NASP: variants seen among roughly 807,000 people sequenced by gnomAD.
The protein encoded by NASP is nuclear autoantigenic sperm protein, also known as NASP histone chaperone.
NASP carries 24 observed loss-of-function variants against 89.5 expected under a neutral mutation model. The observed-to-expected ratio is 0.27, with a 90% CI of 0.19 to 0.38. The LOEUF is 0.38. NASP is among the 10% of genes least tolerant of loss of function. The pLI is 1.00. For missense variants in NASP, 848 were observed against 921.4 expected, an observed-to-expected ratio of 0.92 and a Z score of 1.03; for synonymous variants, 306 against 324.7, an observed-to-expected ratio of 0.94 and a Z score of 0.62.
intron 6 of NASP, 108 bp from the exon 7 acceptor site, chr1:45,613,061 A>G: frequency 7.1e-7 from 1 of 1,416,748 alleles, no homozygotes; most frequent in South Asian, 1.5e-5. Context: ...TTGGATTAGC[A>G]TCTGGCCTGT....
chr1:45,611,456 C>CTTTTTTTT (rs71056317), intron 6 of NASP: 1 of 67,610 alleles, frequency 1.5e-5, no homozygotes, highest in African/African-American at 5.8e-5. Flanking sequence ...ATCGCCATTA[C>CTTTTTTTT]TTTTTTTTTT....
At chr1:45,588,323 C>T (rs755154510) in intron 1 of NASP, among the ~76,000 whole-genome samples, 3 of 152,090 alleles carry the variant, frequency 2.0e-5, no homozygotes, top group Admixed American at 6.5e-5. Context: ...AGGCTGGTCT[C>T]GAACTCCTGA....
At position 45,615,431 on chromosome 1, in the gene NASP, G is replaced by A. The variant is rs147979968; in HGVS notation, c.1982G>A (p.Arg661His). 5.0e-5 allele frequency: 80 copies of A among 1,613,954 alleles called. No homozygotes were observed. Among genetic ancestry groups the A allele is most frequent in the African/African-American group, 3.6e-4 (27 of 74,912 alleles). ...EKIEDAKESQ[R>H]SGNVAELALK... ...ATAGAAGATGCAAAGGAGTCTCAGCGTAGTGGGAATGTAGCTGAACTGGCT... is the reference window on the plus strand; with the variant it reads ...ATAGAAGATGCAAAGGAGTCTCAGCATAGTGGGAATGTAGCTGAACTGGCT... The change falls in exon 11 of 15, where the codon CGT becomes CAT. Residue 661 changes from arginine (R) to histidine (H), a missense_variant. Transcript: ENST00000350030.
rs1570934482 is a variant in NASP, at chr1:45,584,162, A to C, written c.16A>C (p.Thr6Pro). The change falls in exon 1 of 15, where the codon ACA becomes CCA. Residue 6 changes from threonine to proline, a missense_variant. Thr to Pro is a conservative substitution (Grantham distance 38). Coordinates refer to ENST00000350030, the MANE Select transcript of NASP (RefSeq NM_002482.4). MAMES[T>P]ATAAVAAELV... ...CAGGGGAACGATGGCCATGGAGTCC[A>C]CAGCCACTGCCGCCGTCGCCGCGGA... is the stretch of plus-strand genomic sequence containing the variant. The C allele has an allele frequency of 1.9e-6, 3 of 1,596,540 alleles. No individual in the cohort carries two copies. Among genetic ancestry groups the C allele is most frequent in the Non-Finnish European group, 2.6e-6 (3 of 1,171,938 alleles).
intron 11 of NASP, 63 bp downstream of exon 11, chr1:45,615,534 G>A (rs1403288529): frequency 4.0e-6 from 6 of 1,494,342 alleles, no homozygotes; most frequent in Non-Finnish European, 5.4e-6. Context: ...TGTTCTATTT[G>A]CCAGGAACTT....
intron 1 of NASP, among the ~76,000 whole-genome samples, chr1:45,585,103 A>G (rs1644512217): frequency 1.3e-5 from 2 of 152,204 alleles, no homozygotes; most frequent in Admixed American, 6.5e-5. Flanking sequence ...GAAACAAGAT[A>G]GGATTGTTTT....
intron 6 of NASP, 28 bp downstream of exon 6, chr1:45,608,365 G>T: frequency 6.4e-7 from 1 of 1,573,808 alleles, no homozygotes; most frequent in South Asian, 1.2e-5. Flanking sequence ...GAGCTGCAGT[G>T]GGTGGAGTAC....
At chr1:45,593,312 C>G (rs538975858) in intron 2 of NASP, among the ~76,000 whole-genome samples, 21 of 152,172 alleles carry the variant, frequency 1.4e-4, no homozygotes, top group African/African-American at 4.8e-4. Flanking sequence ...GTGGGCTGAT[C>G]ACTTGAGGTC....
At chr1:45,591,083 TGTAA>T (rs1382251945) in intron 1 of NASP, 136 bp from the exon 2 acceptor site, 11 of 532,340 alleles carry the variant, frequency 2.1e-5, no homozygotes, top group Admixed American at 2.0e-4. Context: ...AATTTGATAA[TGTAA>T]GTAAGTAAAT....
At chr1:45,593,156 T>G (rs1452063386) in intron 2 of NASP, among the ~76,000 whole-genome samples, 1 of 152,214 alleles carries the variant, frequency 6.6e-6, no homozygotes, top group East Asian at 1.9e-4. Flanking sequence ...GATGTTAACA[T>G]CATTCTCAAA....
intron 1 of NASP, among the ~76,000 whole-genome samples, chr1:45,590,473 C>T (rs376280174): frequency 2.0e-4 from 30 of 148,250 alleles, no homozygotes; most frequent in African/African-American, 7.0e-4. Context: ...GGCGTGAACC[C>T]GGGAGGCGGA....
chr1:45,617,684 G>C (rs1022831186), intron 14 of NASP, 93 bp downstream of exon 14: 2 of 1,408,186 alleles, frequency 1.4e-6, no homozygotes, highest in Non-Finnish European at 1.9e-6. Flanking sequence ...TCCCCACCTT[G>C]AGCCTGCTAA....
intron 1 of NASP, chr1:45,588,731 G>GATCGAGACC (rs1185286990): frequency 1.4e-5 from 5 of 362,194 alleles, no homozygotes; most frequent in Non-Finnish European, 2.7e-5. Flanking sequence ...GAGGTCAGGA[G>GATCGAGACC]ATCGAGACCA....
intron 12 of NASP, 108 bp from the exon 13 acceptor site, chr1:45,616,518 T>G (rs966464928): frequency 1.3e-6 from 2 of 1,493,686 alleles, no homozygotes; most frequent in Non-Finnish European, 9.3e-7. Flanking sequence ...CAACACTAGC[T>G]TGGGCAACAT....
Position 45,607,777 on chromosome 1 carries a change from A to C in NASP, c.866A>C (p.Gln289Pro). The change falls in exon 6 of 15, where the codon CAG becomes CCG. Residue 289 changes from glutamine (Q) to proline (P), a missense_variant. Around this residue, in one of 5 missense-constraint regions of NASP, gnomAD observed 464 missense variants for 469.4 expected, o/e 0.99. Coordinates refer to ENST00000350030, the MANE Select transcript of NASP (RefSeq NM_002482.4). ...EEQPVVTLEK[Q>P]GTAVEVEAES... ...CAGCCTGTGGTGACTCTAGAAAAGC[A>C]GGGCACTGCAGTGGAGGTAGAAGCA... The C allele has an allele frequency of 1.2e-6, 2 of 1,614,214 alleles. No individual in the cohort carries two copies. The highest frequency in any genetic ancestry group is 1.7e-6 in the Non-Finnish European group (2 of 1,180,030).
In NASP at chr1:45,603,652, C is replaced by G. The variant is rs1643878017; in HGVS notation, c.219-1284C>G. Among the ~76,000 whole-genome samples, 5 of 144,628 alleles carry G rather than the reference C, an allele frequency of 3.5e-5. No homozygotes were observed. In the Admixed American group the frequency reaches 3.5e-4, roughly 10 times the overall value. The allele number at this position is 144,628 out of a possible 152,430, so 94.9% of individuals were successfully genotyped here. ...AGATGGGAGTTTCGCTCTTGTTGCC[C>G]TGGCTGGAGTGCGATGGCGCGATGT... On this transcript the variant is annotated intron_variant, in intron 3 of 14. Transcript: ENST00000350030.
chr1:45,598,145 A>G (rs1056546121), intron 2 of NASP, among the ~76,000 whole-genome samples: 1 of 147,440 alleles, frequency 6.8e-6, no homozygotes, highest in East Asian at 2.0e-4. Flanking sequence ...TGTCAGTAAC[A>G]TTTGACCCAA....
Position 45,616,380 on chromosome 1 carries a change from C to A in NASP, c.2066C>A (p.Ser689Tyr). The change falls in exon 12 of 15, where the codon TCT becomes TAT. Residue 689 changes from serine to tyrosine, a missense_variant. Transcript: ENST00000350030. The stretch of plus-strand genomic sequence containing the variant: ...GGTTTCACTCCTGGTGGAGGAGGCT[C>A]TTCAGTCTCCATGGTGCGTATTCAG... ...TSGFTPGGGGSSVSMIASRKP... is the reference protein window; with the variant it reads ...TSGFTPGGGGYSVSMIASRKP... The A allele has an allele frequency of 6.2e-7, 1 of 1,614,070 alleles. No individual in the cohort carries two copies. The highest frequency in any genetic ancestry group is 8.5e-7 in the Non-Finnish European group (1 of 1,179,934).
chr1:45,596,200 TTGAC>T (rs1209971357), intron 2 of NASP, among the ~76,000 whole-genome samples: 5 of 152,228 alleles, frequency 3.3e-5, no homozygotes, highest in South Asian at 2.1e-4. Flanking sequence ...TCCTAATACT[TTGAC>T]TGTTCTGATG....
Sources: allele counts gnomAD v4.1 joint callset (sites outside exome capture counted in the v4.1 genomes callset), GRCh38; gene constraint gnomAD v4.1.1; regional missense constraint gnomAD v4.1.1; transcripts MANE v1.5; gene names NCBI Gene and HGNC (gene_info 2026-07-23, HGNC 2026-07-21).